Variants in ATXN10 observed in about 807,000 individuals in gnomAD.
The protein encoded by ATXN10 is ataxin 10, also known as ataxin-10.
Under a neutral mutation model 52.9 loss-of-function variants are expected in ATXN10, and 28 were observed. The ratio of observed to expected loss-of-function variants is 0.53; its 90% CI spans 0.39 to 0.73. The LOEUF is 0.73. ATXN10 is among the 30% of genes least tolerant of loss of function. The pLI, the probability that ATXN10 is intolerant of heterozygous loss-of-function variation, is 0.00. For synonymous variants in ATXN10, 226 were observed against 221.5 expected (o/e 1.02, Z -0.18); for missense variants, 565 against 577.0 (o/e 0.98, Z 0.21).
chr22:45,813,892 G>A (rs1420597709), intron 10 of ATXN10, among the ~76,000 whole-genome samples: 3 of 152,212 alleles, frequency 2.0e-5, no homozygotes, highest in East Asian at 1.9e-4. Flanking sequence ...TAATATCACC[G>A]AACAGAATAG....
chr22:45,787,966 C>G lies in ATXN10; in HGVS notation c.1174-18993C>G, dbSNP rs902688188. 3.3e-5 allele frequency among the ~76,000 whole-genome samples: 5 copies of G among 152,126 alleles called. No homozygotes were observed. The highest frequency in any genetic ancestry group is 1.2e-4 in the African/African-American group (5 of 41,420). On this transcript the variant is annotated intron_variant, in intron 9 of 11. Transcript: ENST00000252934. This position sits in a 1 kb window ranked among gnomAD's most constrained non-coding sequence, Gnocchi z 4.2. ...CTACAATATTTAGTGTGGGATTACT[C>G]AAATCTTTTGGTTGAGTAATACTTG...
intron 5 of ATXN10, among the ~76,000 whole-genome samples, chr22:45,714,328 TATAAA>T (rs1924365324): frequency 6.6e-6 from 1 of 152,222 alleles, no homozygotes; most frequent in African/African-American, 2.4e-5. Flanking sequence ...TCACCCATCA[TATAAA>T]ATAAAATACA....
At position 45,769,838 on chromosome 22, in the gene ATXN10, C is replaced by CTT. The variant is rs1298856892; in HGVS notation, c.1173+29301_1173+29302dup. On this transcript the variant is annotated intron_variant, in intron 9 of 11. Coordinates refer to ENST00000252934, the MANE Select transcript of ATXN10 (RefSeq NM_013236.4). The surrounding 1 kb of genome is among the most constrained non-coding windows in gnomAD (Gnocchi z 4.2). ...GTAGAGTGTGATCTGAACAAAAACT[C>CTT]TTAAGAGTGTCAGGAAGTTAAAAAA... is the stretch of plus-strand genomic sequence containing the variant. 2.6e-5 allele frequency among the ~76,000 whole-genome samples: 4 copies of CTT among 152,110 alleles called. No individual in the cohort carries two copies. Among genetic ancestry groups the CTT allele is most frequent in the Non-Finnish European group, 5.9e-5 (4 of 68,026 alleles).
At chr22:45,689,612 G>A (rs193167384) in intron 1 of ATXN10, 100 bp from the exon 2 acceptor site, 22 of 1,003,104 alleles carry the variant, frequency 2.2e-5, no homozygotes, top group Middle Eastern at 5.6e-4. Context: ...TAAACGTAGC[G>A]TACCTCCCCA....
At chr22:45,674,206 A>G (rs1055749431) in intron 1 of ATXN10, 6 of 152,342 alleles carry the variant, frequency 3.9e-5, no homozygotes, top group African/African-American at 1.2e-4. Flanking sequence ...GATGAGTAGA[A>G]TAAATACTGA....
intron 7 of ATXN10, among the ~76,000 whole-genome samples, chr22:45,731,886 G>A (rs907742768): frequency 1.3e-5 from 2 of 152,172 alleles, no homozygotes; most frequent in East Asian, 3.8e-4. Context: ...TTATTCAGGG[G>A]CTTGCGTTTA....
intron 1 of ATXN10, chr22:45,672,973 C>T (rs1922532029): frequency 6.6e-6 from 1 of 152,278 alleles, no homozygotes; most frequent in African/African-American, 2.4e-5. Flanking sequence ...GTGCGAAGCC[C>T]TCAGTCAATG....
chr22:45,815,240 C>T (rs1928419558), intron 10 of ATXN10, among the ~76,000 whole-genome samples: 1 of 152,132 alleles, frequency 6.6e-6, no homozygotes, highest in African/African-American at 2.4e-5. Flanking sequence ...TTCAAAAAGA[C>T]CATGTACTGT....
At chr22:45,773,493 C>G (rs187952352) in intron 9 of ATXN10, among the ~76,000 whole-genome samples, 2 of 151,558 alleles carry the variant, frequency 1.3e-5, no homozygotes, top group Non-Finnish European at 2.9e-5. Context: ...GTGTCTCGCT[C>G]TGTCACCCAG....
At chr22:45,799,588 A>G (rs1163140583) in intron 9 of ATXN10, among the ~76,000 whole-genome samples, 1 of 152,202 alleles carries the variant, frequency 6.6e-6, no homozygotes, top group Non-Finnish European at 1.5e-5. Flanking sequence ...ATCAGTAGCT[A>G]AAGAGAGACC....
Position 45,827,915 on chromosome 22 carries a change from A to G in ATXN10, c.1238-15076A>G, listed in dbSNP as rs531396453. 5.9e-5 allele frequency among the ~76,000 whole-genome samples: 9 copies of G among 152,376 alleles called. No homozygotes were observed. The East Asian group carries it at 1.7e-3, about 29-fold the overall frequency. ...CCATAGATTTTTAAAGATATCATAC[A>G]GAGTATCTTTTCTGACTACAACTGG... On this transcript the variant is annotated intron_variant, in intron 10 of 11. Transcript: ENST00000252934.
chr22:45,734,952 T>C lies in ATXN10; in HGVS notation c.895-3779T>C, dbSNP rs546756752. Among the ~76,000 whole-genome samples the C allele has an allele frequency of 3.3e-5, 5 of 151,596 alleles. No homozygotes were observed. In the East Asian group the frequency reaches 5.8e-4, roughly 18 times the overall value. ...CAGGCTGGAATGCAGAGGTGTGGTC[T>C]TGGCTCACTGCAACCTCCGTCTCCC... On this transcript the variant is annotated intron_variant, in intron 7 of 11. Transcript: ENST00000252934.
At chr22:45,760,983 A>G (rs886817126) in intron 9 of ATXN10, among the ~76,000 whole-genome samples, 3 of 152,206 alleles carry the variant, frequency 2.0e-5, no homozygotes, top group Non-Finnish European at 2.9e-5. Flanking sequence ...TGTGAGAGAC[A>G]GTAATTTGAT....
At chr22:45,739,696 G>T (rs973154871) in intron 8 of ATXN10, among the ~76,000 whole-genome samples, 1 of 152,178 alleles carries the variant, frequency 6.6e-6, no homozygotes, top group Non-Finnish European at 1.5e-5. Flanking sequence ...TGAGCCTGTT[G>T]TTTTCTTCAT....
At position 45,775,503 on chromosome 22, in the gene ATXN10, C is replaced by T. The variant is rs1472637563; in HGVS notation, c.1174-31456C>T. Reference sequence around the variant, plus strand: ...ACATTTTCTTGTTTACTTGTTGAAGCAGGTTCAGAAATAGTTATTCTGTAG... The same window carrying T: ...ACATTTTCTTGTTTACTTGTTGAAGTAGGTTCAGAAATAGTTATTCTGTAG... On this transcript the variant is annotated intron_variant, in intron 9 of 11. Coordinates refer to ENST00000252934, the MANE Select transcript of ATXN10 (RefSeq NM_013236.4). This position sits in a 1 kb window ranked among gnomAD's most constrained non-coding sequence, Gnocchi z 4.7. Among the ~76,000 whole-genome samples, 1 of 152,136 alleles carries T rather than the reference C, an allele frequency of 6.6e-6. No homozygotes were observed. Among genetic ancestry groups the T allele is most frequent in the Non-Finnish European group, 1.5e-5 (1 of 68,030 alleles).
intron 1 of ATXN10, chr22:45,689,444 C>T: frequency 2.1e-6 from 1 of 484,678 alleles, no homozygotes; most frequent in East Asian, 3.9e-5. Context: ...CTTCACTTAC[C>T]TTATCTGTAA....
chr22:45,745,955 C>T (rs1256516625), intron 9 of ATXN10, among the ~76,000 whole-genome samples: 2 of 151,936 alleles, frequency 1.3e-5, no homozygotes, highest in African/African-American at 4.8e-5. Context: ...ATTAATGTTC[C>T]TTTAAATTCT....
intron 1 of ATXN10, chr22:45,689,387 T>C (rs1923278334): frequency 2.6e-6 from 1 of 380,518 alleles, no homozygotes; most frequent in East Asian, 6.1e-5. Context: ...CTTGTGTCTC[T>C]GCCAGTTACT....
intron 10 of ATXN10, among the ~76,000 whole-genome samples, chr22:45,821,195 TG>T (rs1403451879): frequency 6.6e-6 from 1 of 152,134 alleles, no homozygotes; most frequent in Non-Finnish European, 1.5e-5. Context: ...CTACTTCCTT[TG>T]TGTTTCTCTC....
Sources: gnomAD v4.1 joint callset for allele counts (sites outside exome capture counted in the v4.1 genomes callset) on GRCh38, gnomAD v4.1.1 for gene constraint, Gnocchi (gnomAD v3.1) non-coding constraint, MANE v1.5 for transcripts, NCBI Gene and HGNC (gene_info 2026-07-23, HGNC 2026-07-21) for gene names.